ZNF362: variants seen among roughly 807,000 people sequenced by gnomAD.
The protein encoded by ZNF362 is rotund homolog.
ZNF362 carries 11 observed loss-of-function variants against 42.9 expected under a neutral mutation model. That is an observed-to-expected ratio of 0.26 (90% CI 0.16 to 0.42). The LOEUF is 0.42. ZNF362 is among the 20% of genes least tolerant of loss of function. The probability of loss-of-function intolerance (pLI) is 1.00; values close to 1 mark genes in which losing one functional copy is unlikely to be tolerated. For synonymous variants in ZNF362, 255 were observed against 257.3 expected, an observed-to-expected ratio of 0.99 and a Z score of 0.09; for missense variants, 362 against 576.2, an observed-to-expected ratio of 0.63 and a Z score of 3.81.
chr1:33,207,017 G>A, the ZNF362 span, among the ~76,000 whole-genome samples: 3 of 152,094 alleles, frequency 2.0e-5, no homozygotes, highest in East Asian at 1.9e-4. Context: ...TTGTTACACA[G>A]ATATACATGT....
At chr1:33,269,719 A>G (rs1645888500) in intron 1 of ZNF362, among the ~76,000 whole-genome samples, 1 of 151,738 alleles carries the variant, frequency 6.6e-6, no homozygotes, top group South Asian at 2.1e-4. Context: ...TCACTTTTTA[A>G]TGTCTGTGGG....
At chr1:33,152,732 C>T in the ZNF362 span, among the ~76,000 whole-genome samples, 1 of 152,146 alleles carries the variant, frequency 6.6e-6, no homozygotes, top group Admixed American at 6.5e-5. Context: ...TGCAACTATC[C>T]TTGTTTTACA....
chr1:33,173,668 C>T, the ZNF362 span, among the ~76,000 whole-genome samples: 1 of 132,970 alleles, frequency 7.5e-6, no homozygotes, highest in African/African-American at 2.8e-5. Context: ...ACCTTAAGCA[C>T]AGTTTCTTTC....
At chr1:33,298,854 C>A in intron 8 of ZNF362, 76 bp from the exon 9 acceptor site, 1 of 1,295,512 alleles carries the variant, frequency 7.7e-7, no homozygotes, top group Non-Finnish European at 1.1e-6. Context: ...CCTCCAGTGG[C>A]TGCTGGTGGG....
intron 1 of ZNF362, among the ~76,000 whole-genome samples, chr1:33,264,474 A>G (rs1029323159): frequency 1.3e-5 from 2 of 152,156 alleles, no homozygotes; most frequent in Non-Finnish European, 2.9e-5. Context: ...CATATTAGCT[A>G]ACTTAGTCCT....
intron 1 of ZNF362, among the ~76,000 whole-genome samples, chr1:33,262,823 C>T (rs1357456939): frequency 6.6e-6 from 1 of 152,218 alleles, no homozygotes; most frequent in Non-Finnish European, 1.5e-5. Flanking sequence ...GAAATACCAC[C>T]ACAGGTGTCC....
At chr1:33,132,471 C>A in the ZNF362 span, among the ~76,000 whole-genome samples, 1 of 152,218 alleles carries the variant, frequency 6.6e-6, no homozygotes, top group Non-Finnish European at 1.5e-5. Context: ...CTAAACTGTA[C>A]TTTCTGTTCC....
At chr1:33,284,070 A>G (rs1293021271) in intron 6 of ZNF362, among the ~76,000 whole-genome samples, 1 of 152,250 alleles carries the variant, frequency 6.6e-6, no homozygotes, top group Non-Finnish European at 1.5e-5. Context: ...ACCTAGAACC[A>G]TCCAATTCAC....
chr1:33,255,722 G>C (rs1420908120), upstream of ZNF362, among the ~76,000 whole-genome samples: 1 of 152,168 alleles, frequency 6.6e-6, no homozygotes. Flanking sequence ...GGCTAGGGAG[G>C]GGTGGCTGGG....
the ZNF362 span, chr1:33,147,557 C>G: frequency 6.2e-7 from 1 of 1,613,966 alleles, no homozygotes; most frequent in Non-Finnish European, 8.5e-7. The surrounding 1 kb of genome is among the most constrained non-coding windows in gnomAD (Gnocchi z 8.1). Flanking sequence ...CAGTAGTGGA[C>G]GCCACTACTG....
At chr1:33,199,268 A>G in the ZNF362 span, among the ~76,000 whole-genome samples, 3 of 152,166 alleles carry the variant, frequency 2.0e-5, no homozygotes, top group South Asian at 6.2e-4. Context: ...AGAGAATCTT[A>G]AAAACCGCTA....
At chr1:33,153,496 C>G in the ZNF362 span, among the ~76,000 whole-genome samples, 1 of 152,204 alleles carries the variant, frequency 6.6e-6, no homozygotes, top group Non-Finnish European at 1.5e-5. Flanking sequence ...CTACTGGCAT[C>G]TAATGGATAG....
chr1:33,282,970 G>A (rs1053480327), intron 6 of ZNF362, among the ~76,000 whole-genome samples: 8 of 152,146 alleles, frequency 5.3e-5, no homozygotes, highest in East Asian at 1.9e-4. Context: ...AAGCAGCACC[G>A]TTTTCTCACA....
At chr1:33,197,231 G>A in the ZNF362 span, among the ~76,000 whole-genome samples, 1 of 152,132 alleles carries the variant, frequency 6.6e-6, no homozygotes, top group Non-Finnish European at 1.5e-5. Flanking sequence ...GGCTTCCCTT[G>A]TTTTGAGGCT....
chr1:33,222,776 T>C, the ZNF362 span, among the ~76,000 whole-genome samples: 43 of 152,180 alleles, frequency 2.8e-4, no homozygotes, highest in Admixed American at 1.7e-3. Flanking sequence ...TTACCTCTCA[T>C]AGAGGCCTTC....
At chr1:33,216,395 T>A in the ZNF362 span, among the ~76,000 whole-genome samples, 4 of 143,818 alleles carry the variant, frequency 2.8e-5, no homozygotes, top group East Asian at 6.1e-4. Flanking sequence ...AGGTCAGGAG[T>A]TCGAGACCAG....
At chr1:33,283,052 C>G (rs986065171) in intron 6 of ZNF362, among the ~76,000 whole-genome samples, 2 of 152,160 alleles carry the variant, frequency 1.3e-5, no homozygotes, top group South Asian at 4.1e-4. Flanking sequence ...AGGGATAAAA[C>G]TGGTTTTTGT....
chr1:33,283,278 T>C lies in ZNF362; in HGVS notation c.908+1467T>C, dbSNP rs147619571. 3.2e-4 allele frequency among the ~76,000 whole-genome samples: 49 copies of C among 152,300 alleles called. No homozygotes were observed. In the East Asian group the frequency reaches 9.5e-3, roughly 29 times the overall value. ...TGCCACCATGAGAAGGGCTCTATTT[T>C]TTATTTGCTTTTTTTGTTTTTGTCA... On this transcript the variant is annotated intron_variant, in intron 6 of 8. Coordinates refer to ENST00000539719, the MANE Select transcript of ZNF362 (RefSeq NM_152493.3).
At chr1:33,249,746 C>T in the ZNF362 span, among the ~76,000 whole-genome samples, 4 of 152,122 alleles carry the variant, frequency 2.6e-5, no homozygotes, top group African/African-American at 9.7e-5. Flanking sequence ...TGGGTAAGTG[C>T]AGGCTGGTGT....
Sources: gnomAD v4.1 joint callset for allele counts (sites outside exome capture counted in the v4.1 genomes callset) on GRCh38, gnomAD v4.1.1 for gene constraint, Gnocchi (gnomAD v3.1) non-coding constraint, MANE v1.5 for transcripts, NCBI Gene and HGNC (gene_info 2026-07-23, HGNC 2026-07-21) for gene names.